Variants in KCNAB1 observed in about 807,000 individuals in gnomAD.
The protein encoded by KCNAB1 is potassium voltage-gated channel subfamily A regulatory beta subunit 1, also known as voltage-gated potassium channel subunit beta-1.
KCNAB1 carries 35 observed loss-of-function variants against 64.6 expected under a neutral mutation model. The observed-to-expected ratio is 0.54, with a 90% CI of 0.41 to 0.72. KCNAB1 has a LOEUF of 0.72. Among genes scored for constraint, KCNAB1 ranks in the 30% least tolerant of loss-of-function variants. The pLI, the probability that KCNAB1 is intolerant of heterozygous loss-of-function variation, is 0.00. For missense variants in KCNAB1, 401 were observed against 512.9 expected, an observed-to-expected ratio of 0.78 and a Z score of 2.11; for synonymous variants, 177 against 183.8, an observed-to-expected ratio of 0.96 and a Z score of 0.30.
intron 1 of KCNAB1, among the ~76,000 whole-genome samples, chr3:156,293,596 A>G (rs540212148): frequency 1.3e-5 from 2 of 152,338 alleles, no homozygotes; most frequent in South Asian, 4.1e-4. Context: ...CTTGGGTGGG[A>G]AAAAGCAAAA....
chr3:156,202,287 G>A (rs1714384276), intron 1 of KCNAB1, among the ~76,000 whole-genome samples: 1 of 152,136 alleles, frequency 6.6e-6, no homozygotes, highest in Non-Finnish European at 1.5e-5. Context: ...GGTGAGAGTG[G>A]GTTGCTTCTT....
At chr3:156,361,898 G>A (rs1725637691) in intron 1 of KCNAB1, among the ~76,000 whole-genome samples, 3 of 152,194 alleles carry the variant, frequency 2.0e-5, no homozygotes, top group Non-Finnish European at 4.4e-5. Flanking sequence ...GGGCTCCAGT[G>A]ATCCTCTCAC....
chr3:156,461,759 C>T (rs922294232), intron 5 of KCNAB1, among the ~76,000 whole-genome samples: 18 of 152,152 alleles, frequency 1.2e-4, no homozygotes, highest in African/African-American at 4.1e-4. Context: ...TTTTATATAC[C>T]TTTTGTAGAA....
chr3:156,285,414 C>G (rs1175425700), intron 1 of KCNAB1, among the ~76,000 whole-genome samples: 1 of 152,128 alleles, frequency 6.6e-6, no homozygotes, highest in Non-Finnish European at 1.5e-5. Flanking sequence ...CCTGTCTCCT[C>G]TCAGTGCTAT....
intron 1 of KCNAB1, among the ~76,000 whole-genome samples, chr3:156,226,264 A>T (rs1337906991): frequency 6.6e-6 from 1 of 152,146 alleles, no homozygotes; most frequent in Non-Finnish European, 1.5e-5. Context: ...ATTAAGCCAG[A>T]TACAGTCAAC....
intron 8 of KCNAB1, among the ~76,000 whole-genome samples, chr3:156,477,768 T>C (rs1202587356): frequency 6.6e-6 from 1 of 152,104 alleles, no homozygotes; most frequent in Non-Finnish European, 1.5e-5. Flanking sequence ...AAGGTACTGA[T>C]CTGGGAAATA....
intron 1 of KCNAB1, among the ~76,000 whole-genome samples, chr3:156,136,322 T>C (rs1714345974): frequency 6.6e-6 from 1 of 152,250 alleles, no homozygotes; most frequent in African/African-American, 2.4e-5. Context: ...AGCTATAGTT[T>C]CCGGGGGAAG....
rs143008181 is a variant in KCNAB1 at position 156,437,680 on chromosome 3, C to A, written c.320-15219C>A. ...TTCTTTTGCTACAGTCATTTGCTGC[C>A]ACTGGGATTTTTGCAGAAGGTTAGT... On this transcript the variant is annotated intron_variant, in intron 2 of 13. Transcript: ENST00000490337. 2.3e-3 allele frequency among the ~76,000 whole-genome samples: 349 copies of A among 152,222 alleles called. 1 individual carries two copies. The highest frequency in any genetic ancestry group is 8.0e-3 in the African/African-American group (334 of 41,520).
At chr3:156,456,703 A>G (rs1178528317) in intron 3 of KCNAB1, among the ~76,000 whole-genome samples, 2 of 152,270 alleles carry the variant, frequency 1.3e-5, no homozygotes, top group Non-Finnish European at 2.9e-5. Flanking sequence ...CTAGTAAGTC[A>G]ATCGGCAAAA....
At chr3:156,143,812 A>G (rs1462830475) in intron 1 of KCNAB1, among the ~76,000 whole-genome samples, 1 of 151,254 alleles carries the variant, frequency 6.6e-6, no homozygotes, top group African/African-American at 2.4e-5. Flanking sequence ...GCTGCCTGGG[A>G]TTCAAGACTT....
chr3:156,496,486 AGT>A (rs1716022445), intron 8 of KCNAB1, among the ~76,000 whole-genome samples: 1 of 152,190 alleles, frequency 6.6e-6, no homozygotes, highest in South Asian at 2.1e-4. Flanking sequence ...CCACCGTAAG[AGT>A]GAGGCTTCTC....
chr3:156,513,529 C>G (rs984479697), intron 8 of KCNAB1, among the ~76,000 whole-genome samples: 2 of 152,168 alleles, frequency 1.3e-5, no homozygotes, highest in Non-Finnish European at 2.9e-5. Context: ...AGAAATCCAA[C>G]CCTGTCTGTG....
chr3:156,147,931 A>G (rs1715135736), intron 1 of KCNAB1, among the ~76,000 whole-genome samples: 1 of 132,444 alleles, frequency 7.6e-6, no homozygotes, highest in Non-Finnish European at 1.6e-5. Context: ...CCATCCCACC[A>G]CATGCCAAGA....
intron 1 of KCNAB1, among the ~76,000 whole-genome samples, chr3:156,265,334 C>T (rs1348959127): frequency 1.3e-5 from 2 of 152,016 alleles, no homozygotes; most frequent in Non-Finnish European, 1.5e-5. Context: ...TGCTTCCATC[C>T]AGCTACTTCT....
intron 12 of KCNAB1, among the ~76,000 whole-genome samples, chr3:156,525,315 G>C (rs1718237213): frequency 6.6e-6 from 1 of 151,710 alleles, no homozygotes; most frequent in African/African-American, 2.4e-5. Flanking sequence ...TGATGGTCCT[G>C]ACCCTGTGTA....
intron 1 of KCNAB1, among the ~76,000 whole-genome samples, chr3:156,257,372 A>G (rs1576651490): frequency 6.6e-6 from 1 of 152,180 alleles, no homozygotes; most frequent in East Asian, 1.9e-4. Flanking sequence ...TCTCAATGTT[A>G]ATAAAAACCC....
In KCNAB1 at chr3:156,351,506, C is replaced by T. The variant is rs546613232; in HGVS notation, c.276-70110C>T. The stretch of plus-strand genomic sequence containing the variant: ...CTTACTATCCAGTTGTTCATTGCCC[C>T]CCAATTTCTTTTTACTTTTTAATCT... On this transcript the variant is annotated intron_variant, in intron 1 of 13. Transcript: ENST00000490337. Among the ~76,000 whole-genome samples the T allele has an allele frequency of 2.0e-5, 3 of 152,296 alleles. No individual in the cohort carries two copies. The South Asian group carries it at 6.2e-4, about 32-fold the overall frequency.
At chr3:156,272,947 C>T (rs1196068266) in intron 1 of KCNAB1, among the ~76,000 whole-genome samples, 2 of 151,978 alleles carry the variant, frequency 1.3e-5, no homozygotes, top group South Asian at 4.2e-4. Context: ...AGGAGCAGTT[C>T]CTTTTCTTAG....
chr3:156,499,471 G>T (rs751287747), intron 8 of KCNAB1, among the ~76,000 whole-genome samples: 6 of 152,030 alleles, frequency 3.9e-5, no homozygotes, highest in South Asian at 2.1e-4. Flanking sequence ...ACTTTGTATT[G>T]TCATCTTTTA....
Sources: allele counts gnomAD v4.1 joint callset (sites outside exome capture counted in the v4.1 genomes callset), GRCh38; gene constraint gnomAD v4.1.1; transcripts MANE v1.5; gene names NCBI Gene and HGNC (gene_info 2026-07-23, HGNC 2026-07-21).